HERPUD2: variants seen among roughly 807,000 people sequenced by gnomAD.
The protein encoded by HERPUD2 is HERPUD family member 2, also known as homocysteine-responsive endoplasmic reticulum-resident ubiquitin-like domain member 2 protein.
Under a neutral mutation model 49.9 loss-of-function variants are expected in HERPUD2, and 13 were observed. The ratio of observed to expected loss-of-function variants is 0.26; its 90% CI spans 0.17 to 0.41. HERPUD2 has a LOEUF of 0.41. Ranked by LOEUF, HERPUD2 falls within the 10% of genes least tolerant of loss-of-function variation. HERPUD2 has a pLI of 1.00. For missense variants in HERPUD2, 449 were observed against 492.2 expected (o/e 0.91, Z 0.83); for synonymous variants, 172 against 171.4 (o/e 1.00, Z -0.03).
chr7:35,657,387 G>C (rs1785297317), intron 5 of HERPUD2, among the ~76,000 whole-genome samples: 1 of 152,034 alleles, frequency 6.6e-6, no homozygotes. Flanking sequence ...GGGGAGAAAA[G>C]GGACCTCTTA....
chr7:35,655,191 C>T (rs1785250541), intron 5 of HERPUD2, among the ~76,000 whole-genome samples: 1 of 152,136 alleles, frequency 6.6e-6, no homozygotes, highest in Non-Finnish European at 1.5e-5. Context: ...ACCAATTCTC[C>T]TCAAACTACT....
chr7:35,652,760 C>T (rs1413501853), intron 5 of HERPUD2, among the ~76,000 whole-genome samples: 10 of 151,824 alleles, frequency 6.6e-5, no homozygotes, highest in Admixed American at 6.6e-4. Flanking sequence ...GCCAAGGATA[C>T]TATACCCAGC....
At chr7:35,655,230 C>A (rs139877717) in intron 5 of HERPUD2, among the ~76,000 whole-genome samples, 1 of 152,106 alleles carries the variant, frequency 6.6e-6, no homozygotes, top group South Asian at 2.1e-4. Context: ...GGGAATTCTA[C>A]AAGGCATTAA....
intron 1 of HERPUD2, 58 bp from the exon 2 acceptor site, chr7:35,694,685 C>T (rs867310256): frequency 4.0e-6 from 1 of 252,934 alleles, no homozygotes; most frequent in South Asian, 5.6e-5. Context: ...GGGTCACTGC[C>T]CCGCCCCACC....
At chr7:35,692,240 C>T (rs1490391529) in intron 2 of HERPUD2, among the ~76,000 whole-genome samples, 1 of 152,198 alleles carries the variant, frequency 6.6e-6, no homozygotes, top group African/African-American at 2.4e-5. Context: ...CACAGGCAGA[C>T]CTCCTGCCAA....
chr7:35,684,382 T>C (rs1274699063), intron 2 of HERPUD2, among the ~76,000 whole-genome samples: 2 of 147,698 alleles, frequency 1.4e-5, no homozygotes, highest in African/African-American at 2.5e-5. Flanking sequence ...GGAGCAAGAC[T>C]CCACCTCAAA....
intron 5 of HERPUD2, among the ~76,000 whole-genome samples, chr7:35,662,568 T>C (rs1383465014): frequency 1.3e-5 from 2 of 152,232 alleles, no homozygotes; most frequent in African/African-American, 2.4e-5. Flanking sequence ...TATTGGTCTA[T>C]TCAGGGATTC....
intron 2 of HERPUD2, among the ~76,000 whole-genome samples, chr7:35,683,685 T>C (rs1026189192): frequency 1.3e-5 from 2 of 151,942 alleles, no homozygotes; most frequent in Non-Finnish European, 2.9e-5. Context: ...AGGACTAATA[T>C]CCGGTATCTA....
chr7:35,688,229 C>T (rs906847662), intron 2 of HERPUD2, among the ~76,000 whole-genome samples: 1 of 152,124 alleles, frequency 6.6e-6, no homozygotes, highest in Non-Finnish European at 1.5e-5. Context: ...TTCCCATTTC[C>T]CACTAAAAGC....
chr7:35,680,305 A>T (rs2116008801), intron 2 of HERPUD2, among the ~76,000 whole-genome samples: 1 of 152,160 alleles, frequency 6.6e-6, no homozygotes, highest in East Asian at 1.9e-4. Context: ...GCTGCTTGGG[A>T]GGCTGAGGTG....
At chr7:35,649,809 TTTC>T (rs1785127303) in intron 5 of HERPUD2, among the ~76,000 whole-genome samples, 1 of 152,166 alleles carries the variant, frequency 6.6e-6, no homozygotes. Context: ...ATTGTAAGTA[TTTC>T]TTATCAGACT....
rs933444405 is a variant in HERPUD2, at chr7:35,632,881, G to A, written c.*809C>T. 1 of 152,410 alleles carries A rather than the reference G, an allele frequency of 6.6e-6. No individual in the cohort carries two copies. The highest frequency in any genetic ancestry group is 2.4e-5 in the African/African-American group (1 of 41,352). The allele number at this position is 152,410 out of a possible 1,614,324, so 9.4% of individuals were successfully genotyped here. On this transcript the variant is annotated 3_prime_UTR_variant, in exon 9 of 9. Transcript: ENST00000311350. ...ATATCAAAATTAAGATTATTGAGAAGTTTATTGCTTTATGGCTGGGCAAGA... is the reference window on the plus strand; with the variant it reads ...ATATCAAAATTAAGATTATTGAGAAATTTATTGCTTTATGGCTGGGCAAGA...
intron 8 of HERPUD2, 61 bp from the exon 9 acceptor site, chr7:35,633,912 G>T: frequency 6.7e-7 from 1 of 1,495,126 alleles, no homozygotes; most frequent in South Asian, 1.2e-5. Context: ...GCTCATAATA[G>T]AATACAGTTA....
chr7:35,659,102 A>G (rs1192686859), intron 5 of HERPUD2, among the ~76,000 whole-genome samples: 1 of 152,250 alleles, frequency 6.6e-6, no homozygotes, highest in Non-Finnish European at 1.5e-5. Flanking sequence ...AGCTATACAT[A>G]AATTTGAAAA....
intron 2 of HERPUD2, among the ~76,000 whole-genome samples, chr7:35,682,067 G>GT (rs1163396076): frequency 2.0e-5 from 3 of 151,742 alleles, no homozygotes; most frequent in Non-Finnish European, 4.4e-5. Flanking sequence ...GAAGTTTTTG[G>GT]TTTTTTGTCA....
chr7:35,648,758 G>T (rs1293311359), intron 5 of HERPUD2, among the ~76,000 whole-genome samples: 3 of 152,098 alleles, frequency 2.0e-5, no homozygotes, highest in African/African-American at 7.2e-5. Context: ...AACTTGAAAC[G>T]GCCCTGAACT....
At chr7:35,657,474 A>G (rs1416612633) in intron 5 of HERPUD2, among the ~76,000 whole-genome samples, 1 of 151,810 alleles carries the variant, frequency 6.6e-6, no homozygotes, top group African/African-American at 2.4e-5. Context: ...AACTAAACAC[A>G]GTTTGGGTGT....
intron 5 of HERPUD2, among the ~76,000 whole-genome samples, chr7:35,657,976 T>G (rs1229095513): frequency 1.3e-5 from 2 of 151,574 alleles, no homozygotes; most frequent in Non-Finnish European, 2.9e-5. Context: ...GATCCAGCAA[T>G]CCCACTACTA....
rs189532313 is a variant in HERPUD2, at chr7:35,684,048, C to T, written c.147+10136G>A. On this transcript the variant is annotated intron_variant, in intron 2 of 8. Coordinates refer to ENST00000311350, the MANE Select transcript of HERPUD2 (RefSeq NM_022373.5). ...AGAACTACCATTTGATCCAGCAATC[C>T]CACTATTGGGTATCTACCCAGAGGA... Among the ~76,000 whole-genome samples the T allele has an allele frequency of 9.2e-5, 14 of 152,214 alleles. No individual in the cohort carries two copies. The East Asian group carries it at 2.7e-3, about 29-fold the overall frequency.
Sources: allele counts gnomAD v4.1 joint callset (sites outside exome capture counted in the v4.1 genomes callset), GRCh38; gene constraint gnomAD v4.1.1; transcripts MANE v1.5; gene names NCBI Gene and HGNC (gene_info 2026-07-23, HGNC 2026-07-21).